ZC3H12C: variants seen among roughly 807,000 people sequenced by gnomAD.
The protein encoded by ZC3H12C is zinc finger CCCH-type containing 12C.
ZC3H12C carries 20 observed loss-of-function variants against 76.3 expected under a neutral mutation model. The ratio of observed to expected loss-of-function variants is 0.26; its 90% CI spans 0.18 to 0.38. The LOEUF (loss-of-function observed/expected upper bound fraction) is 0.38. Among genes scored for constraint, ZC3H12C ranks in the 10% least tolerant of loss-of-function variants. ZC3H12C has a pLI of 1.00. For missense variants in ZC3H12C, 874 were observed against 1,086.5 expected (o/e 0.80, Z 2.75); for synonymous variants, 352 against 399.6 (o/e 0.88, Z 1.42).
chr11:110,130,914 A>G (rs1861853062), intron 1 of ZC3H12C: 2 of 1,008,024 alleles, frequency 2.0e-6, no homozygotes, highest in Non-Finnish European at 2.9e-6. Context: ...CCGGCCAACT[A>G]ATTGTGAGCT....
chr11:110,145,890 T>C (rs1862158067), intron 2 of ZC3H12C, among the ~76,000 whole-genome samples: 1 of 152,218 alleles, frequency 6.6e-6, no homozygotes. Flanking sequence ...GAGAGAGGCA[T>C]GTTCTTCGAA....
chr11:110,165,939 T>G lies in ZC3H12C; in HGVS notation c.*202T>G, dbSNP rs1591489582. 7.1e-6 allele frequency: 4 copies of G among 560,322 alleles called. No homozygotes were observed. In the East Asian group the frequency reaches 1.2e-4, roughly 17 times the overall value. The allele number at this position is 560,322 out of a possible 1,614,324, so 34.7% of individuals were successfully genotyped here. A position where few individuals can be genotyped will look rare whatever the true frequency, so the allele number is the denominator to read the frequency against. ...CGGGATTGCTTTACATTTAAACTTT[T>G]TTTTTTTAACATTTCCTTTTTAAAG... On this transcript the variant is annotated 3_prime_UTR_variant, in exon 6 of 6. Transcript: ENST00000278590.
rs779244027 is a variant in ZC3H12C at position 110,136,805 on chromosome 11, G to A, written c.164G>A (p.Ser55Asn). ...GTGGAGAGCACTGACCCACAGTTAA[G>A]TCCAGCTGTACCTTGGTCAACAGTA... is the stretch of plus-strand genomic sequence containing the variant. ...LYVESTDPQL[S>N]PAVPWSTVEN... The change falls in exon 2 of 6, where the codon AGT becomes AAT. Residue 55 changes from serine (S) to asparagine (N), a missense_variant. This residue lies in a region of ZC3H12C where 210 missense variants were observed against 227.1 expected (regional missense o/e 0.92). Transcript: ENST00000278590. 1.2e-6 allele frequency: 2 copies of A among 1,613,930 alleles called. No homozygotes were observed. The highest frequency in any genetic ancestry group is 3.3e-5 in the Admixed American group (2 of 59,998).
intron 1 of ZC3H12C, among the ~76,000 whole-genome samples, chr11:110,125,020 G>A (rs1481946704): frequency 2.0e-5 from 3 of 152,146 alleles, no homozygotes; most frequent in Non-Finnish European, 4.4e-5. Flanking sequence ...TGGATCTTCA[G>A]TATGTATTAA....
intron 1 of ZC3H12C, chr11:110,131,434 A>G (rs1473209247): frequency 6.8e-6 from 2 of 292,188 alleles, no homozygotes; most frequent in Non-Finnish European, 1.3e-5. Context: ...TTTAAATCTT[A>G]CCTTGTCAAA....
intron 1 of ZC3H12C, among the ~76,000 whole-genome samples, chr11:110,099,284 T>C (rs1000831768): frequency 1.3e-5 from 2 of 152,202 alleles, no homozygotes; most frequent in Admixed American, 6.5e-5. Flanking sequence ...GGTTTTTTAA[T>C]GCCAAAAAGC....
chr11:110,117,637 G>GAT (rs528250347), intron 1 of ZC3H12C, among the ~76,000 whole-genome samples: 2,666 of 141,520 alleles, frequency 0.019, 93 homozygotes, highest in African/African-American at 0.063. Flanking sequence ...TCCCACATGA[G>GAT]ATATATATAT....
intron 2 of ZC3H12C, among the ~76,000 whole-genome samples, chr11:110,139,201 T>C (rs1862025071): frequency 6.6e-6 from 1 of 152,210 alleles, no homozygotes; most frequent in African/African-American, 2.4e-5. Context: ...TTATCTTTCT[T>C]TCATTTATTA....
Position 110,164,393 on chromosome 11 carries a change from C to A in ZC3H12C, c.1308C>A (p.Gly436=). The change falls in exon 6 of 6, where the codon GGC becomes GGA. Residue 436 remains glycine (G), a synonymous_variant. Coordinates refer to ENST00000278590, the MANE Select transcript of ZC3H12C (RefSeq NM_033390.2). The surrounding 1 kb of genome is among the most constrained non-coding windows in gnomAD (Gnocchi z 5.7). ...GCAAATATTACCATCCCGAAAGGGG[C>A]AGTCAGCCACAGCGGTCAGTGGCTG... is the stretch of plus-strand genomic sequence containing the variant. The part of the protein sequence containing the change: ...HKCKYYHPER[G]SQPQRSVADE... 1.2e-6 allele frequency: 2 copies of A among 1,613,822 alleles called. No individual in the cohort carries two copies. Among genetic ancestry groups the A allele is most frequent in the Non-Finnish European group, 1.7e-6 (2 of 1,179,864 alleles).
At chr11:110,139,691 C>A (rs974787508) in intron 2 of ZC3H12C, among the ~76,000 whole-genome samples, 1 of 151,990 alleles carries the variant, frequency 6.6e-6, no homozygotes, top group Non-Finnish European at 1.5e-5. Flanking sequence ...CATAAAATTG[C>A]CAAACGAGGG....
intron 1 of ZC3H12C, among the ~76,000 whole-genome samples, chr11:110,102,167 G>A (rs1039164302): frequency 2.0e-5 from 3 of 150,694 alleles, no homozygotes; most frequent in African/African-American, 7.3e-5. Flanking sequence ...AATATATTTT[G>A]TTAAGGTTAC....
chr11:110,102,581 C>CAAAGAGGATTTCAA (rs1861237004), intron 1 of ZC3H12C, among the ~76,000 whole-genome samples: 1 of 152,044 alleles, frequency 6.6e-6, no homozygotes, highest in Non-Finnish European at 1.5e-5. Flanking sequence ...GAAATGACAA[C>CAAAGAGGATTTCAA]AAAGAGGATT....
chr11:110,126,150 A>G (rs1326601795), intron 1 of ZC3H12C, among the ~76,000 whole-genome samples: 1 of 152,168 alleles, frequency 6.6e-6, no homozygotes, highest in Non-Finnish European at 1.5e-5. Context: ...ATGATTTACA[A>G]AAAAACATGA....
chr11:110,170,603 T>G lies in ZC3H12C; in HGVS notation c.*4866T>G, dbSNP rs1862659986. ...TATCTCTGCTTTGTCTGTCCAGATCTTTAGGATTTTTAGATGCCTTGGGAC... is the reference window on the plus strand; with the variant it reads ...TATCTCTGCTTTGTCTGTCCAGATCGTTAGGATTTTTAGATGCCTTGGGAC... On this transcript the variant is annotated 3_prime_UTR_variant, in exon 6 of 6. Coordinates refer to ENST00000278590, the MANE Select transcript of ZC3H12C (RefSeq NM_033390.2). 2 of 152,210 alleles carry G rather than the reference T, an allele frequency of 1.3e-5. No individual in the cohort carries two copies. The highest frequency in any genetic ancestry group is 2.1e-4 in the South Asian group (1 of 4,834). The allele number at this position is 152,210 out of a possible 1,614,324, so 9.4% of individuals were successfully genotyped here.
rs369275888 is a variant in ZC3H12C at position 110,136,881 on chromosome 11, G to A, written c.240G>A (p.Ala80=). The part of the protein sequence containing the change: ...TVNVGKDEKE[A]SEENASSGDS... ...ATGTGGGGAAGGATGAAAAAGAGGC[G>A]TCTGAAGAGAATGCAAGCTCTGGTG... Residue 80 remains alanine (A), a synonymous_variant, in exon 2 of 6, where the codon GCG becomes GCA. Transcript: ENST00000278590. The A allele has an allele frequency of 2.8e-5, 45 of 1,613,644 alleles. No individual in the cohort carries two copies. The highest frequency in any genetic ancestry group is 4.5e-5 in the East Asian group (2 of 44,882).
chr11:110,139,277 C>T (rs922086397), intron 2 of ZC3H12C, among the ~76,000 whole-genome samples: 1 of 152,100 alleles, frequency 6.6e-6, no homozygotes, highest in Non-Finnish European at 1.5e-5. Context: ...AAATGTCTGA[C>T]CTAAAAGCCT....
chr11:110,144,580 G>A (rs1418336406), intron 2 of ZC3H12C, among the ~76,000 whole-genome samples: 6 of 152,098 alleles, frequency 3.9e-5, no homozygotes, highest in Non-Finnish European at 1.5e-5. Context: ...GATTTTAGAT[G>A]ATTTGTGAAA....
intron 2 of ZC3H12C, among the ~76,000 whole-genome samples, chr11:110,143,981 T>C (rs1862116148): frequency 6.6e-6 from 1 of 152,216 alleles, no homozygotes; most frequent in African/African-American, 2.4e-5. Context: ...CTTATGCAAG[T>C]ACATCTTAGA....
intron 3 of ZC3H12C, among the ~76,000 whole-genome samples, chr11:110,158,442 G>A (rs569432511): frequency 5.3e-5 from 8 of 152,006 alleles, no homozygotes; most frequent in East Asian, 1.9e-4. Context: ...CCGGGGAGGC[G>A]GAGGTTGCAG....
Sources: allele counts gnomAD v4.1 joint callset (sites outside exome capture counted in the v4.1 genomes callset), GRCh38; gene constraint gnomAD v4.1.1; regional missense constraint gnomAD v4.1.1; non-coding constraint Gnocchi (gnomAD v3.1); transcripts MANE v1.5; gene names NCBI Gene and HGNC (gene_info 2026-07-23, HGNC 2026-07-21).